Variants in QKI observed in about 807,000 individuals in gnomAD.
The protein encoded by QKI is QKI, KH domain containing RNA binding.
Under a neutral mutation model 39.0 loss-of-function variants are expected in QKI, and 10 were observed. The observed-to-expected ratio is 0.26, with a 90% CI of 0.16 to 0.43. The LOEUF is 0.43. Among genes scored for constraint, QKI ranks in the 20% least tolerant of loss-of-function variants. QKI has a pLI of 1.00. For missense variants in QKI, 218 were observed against 428.0 expected (o/e 0.51, Z 4.33); for synonymous variants, 204 against 155.4 (o/e 1.31, Z -2.33).
intron 1 of QKI, among the ~76,000 whole-genome samples, chr6:163,418,478 G>T (rs1787722700): frequency 6.6e-6 from 1 of 151,946 alleles, no homozygotes; most frequent in Non-Finnish European, 1.5e-5. Flanking sequence ...GCTTGTTTTT[G>T]TTTTGTTTTG....
chr6:163,498,920 A>ATG (rs1778575652), intron 3 of QKI, among the ~76,000 whole-genome samples: 1 of 152,180 alleles, frequency 6.6e-6, no homozygotes, highest in Non-Finnish European at 1.5e-5. Context: ...TTGCATATAT[A>ATG]CAATGAGATA....
intron 4 of QKI, among the ~76,000 whole-genome samples, chr6:163,558,786 C>G (rs1417090662): frequency 6.6e-6 from 1 of 152,034 alleles, no homozygotes; most frequent in Non-Finnish European, 1.5e-5. Context: ...AGGGTGAAGC[C>G]CATCCTGGAC....
intron 3 of QKI, among the ~76,000 whole-genome samples, chr6:163,501,077 G>A (rs1207154530): frequency 6.6e-6 from 1 of 151,952 alleles, no homozygotes; most frequent in African/African-American, 2.4e-5. Context: ...TTAATAACAG[G>A]TGTCATTTAA....
chr6:163,567,501 G>A (rs1783436523), intron 7 of QKI: 2 of 983,852 alleles, frequency 2.0e-6, no homozygotes, highest in African/African-American at 1.7e-5. Context: ...GTTCTGTGGT[G>A]GTATGAGATC....
intron 6 of QKI, chr6:163,565,022 C>G (rs1314393145): frequency 6.7e-6 from 8 of 1,201,060 alleles, no homozygotes; most frequent in South Asian, 5.1e-5. Context: ...TGTATGTTAT[C>G]TGTGTGTGTG....
At chr6:163,567,290 A>G in intron 7 of QKI, 1 of 986,654 alleles carries the variant, frequency 1.0e-6, no homozygotes, top group Non-Finnish European at 1.2e-6. Flanking sequence ...CACTGTATAA[A>G]CATGAGGGTG....
intron 1 of QKI, chr6:163,429,124 T>C (rs188961102): frequency 7.9e-5 from 12 of 152,328 alleles, no homozygotes; most frequent in South Asian, 2.1e-4. Flanking sequence ...CAGGGAAATA[T>C]AGCAATGGCC....
At chr6:163,443,586 ACTC>A (rs958265701) in intron 1 of QKI, among the ~76,000 whole-genome samples, 3 of 151,488 alleles carry the variant, frequency 2.0e-5, no homozygotes, top group Admixed American at 6.6e-5. Flanking sequence ...AACAACAACA[ACTC>A]CTCTTGGCTT....
At chr6:163,501,286 T>A (rs1489434023) in intron 3 of QKI, among the ~76,000 whole-genome samples, 4 of 146,578 alleles carry the variant, frequency 2.7e-5, no homozygotes, top group Admixed American at 6.8e-5. Context: ...GTTTTAACAT[T>A]AAAAAAAAAA....
chr6:163,564,066 C>T, intron 6 of QKI: 1 of 1,090,388 alleles, frequency 9.2e-7, no homozygotes, highest in Non-Finnish European at 1.1e-6. Context: ...ACTTCTCAAA[C>T]TTTATTTGAG....
At chr6:163,417,683 G>C (rs1219391342) in intron 1 of QKI, among the ~76,000 whole-genome samples, 1 of 152,172 alleles carries the variant, frequency 6.6e-6, no homozygotes, top group Non-Finnish European at 1.5e-5. Context: ...ATATCTCCTA[G>C]ATAATGTTTG....
intron 2 of QKI, among the ~76,000 whole-genome samples, chr6:163,475,584 A>G (rs1033148202): frequency 2.0e-5 from 3 of 152,118 alleles, no homozygotes; most frequent in African/African-American, 7.2e-5. Flanking sequence ...GTGTAGATAA[A>G]TATTTATGAC....
intron 1 of QKI, among the ~76,000 whole-genome samples, chr6:163,454,563 G>C (rs1412408251): frequency 6.6e-6 from 1 of 152,030 alleles, no homozygotes; most frequent in Admixed American, 6.6e-5. Flanking sequence ...CCCTGTCCTT[G>C]AATCTGTCAT....
chr6:163,486,777 G>A (rs1441591355), intron 3 of QKI, among the ~76,000 whole-genome samples: 1 of 152,084 alleles, frequency 6.6e-6, no homozygotes, highest in African/African-American at 2.4e-5. Context: ...ATATTAAGTG[G>A]ATCATATTAT....
intron 2 of QKI, among the ~76,000 whole-genome samples, chr6:163,456,010 A>G (rs940232170): frequency 9.2e-5 from 14 of 152,276 alleles, no homozygotes; most frequent in African/African-American, 3.4e-4. Flanking sequence ...CTCTGGCCTC[A>G]TCTTAAATGA....
chr6:163,440,077 A>T (rs553256776), intron 1 of QKI, among the ~76,000 whole-genome samples: 63 of 152,110 alleles, frequency 4.1e-4, no homozygotes, highest in Non-Finnish European at 6.8e-4. Flanking sequence ...CCCTCATTGT[A>T]TATGTCTCTA....
chr6:163,450,005 T>TATATGTATAACATATATATACACACAC (rs1790427603), intron 1 of QKI, among the ~76,000 whole-genome samples: 1 of 151,622 alleles, frequency 6.6e-6, no homozygotes, highest in Non-Finnish European at 1.5e-5. Flanking sequence ...GTGTATAACA[T>TATATGTATAACATATATATACACACAC]ATATGTATAA....
intron 1 of QKI, among the ~76,000 whole-genome samples, chr6:163,415,607 G>A (rs1456944187): frequency 1.3e-5 from 2 of 151,802 alleles, no homozygotes; most frequent in African/African-American, 4.8e-5. Context: ...AGGGCTGCGG[G>A]GTGAGCCCTG....
At chr6:163,506,439 A>G (rs1487068656) in intron 3 of QKI, among the ~76,000 whole-genome samples, 2 of 151,640 alleles carry the variant, frequency 1.3e-5, no homozygotes, top group African/African-American at 4.9e-5. Flanking sequence ...CTGTAACCAC[A>G]GGAAATTGCA....
Sources: gnomAD v4.1 joint callset for allele counts (sites outside exome capture counted in the v4.1 genomes callset) on GRCh38, gnomAD v4.1.1 for gene constraint, MANE v1.5 for transcripts, NCBI Gene and HGNC (gene_info 2026-07-23, HGNC 2026-07-21) for gene names.